Variants in EEA1 observed in about 807,000 individuals in gnomAD.
EEA1 encodes the protein early endosome antigen 1, 162kD.
A neutral mutation model predicts 209.2 loss-of-function variants in EEA1; 111 were observed. The ratio of observed to expected loss-of-function variants is 0.53; its 90% confidence interval spans 0.45 to 0.62. The LOEUF (loss-of-function observed/expected upper bound fraction) is 0.62, where lower values mean the gene tolerates loss of function less well. Among genes scored for constraint, EEA1 ranks in the 20% least tolerant of loss-of-function variants. The pLI is 0.00. For synonymous variants in EEA1, 536 were observed against 540.6 expected (o/e 0.99, Z 0.12); for missense variants, 1,343 against 1,530.8 (o/e 0.88, Z 2.05).
intron 21 of EEA1, among the ~76,000 whole-genome samples, chr12:92,789,805 C>G (rs1874314748): frequency 6.6e-6 from 1 of 152,222 alleles, no homozygotes; most frequent in African/African-American, 2.4e-5. Flanking sequence ...TGAGAACGGA[C>G]AGACTGCATC....
intron 10 of EEA1, among the ~76,000 whole-genome samples, chr12:92,839,182 G>C (rs560809784): frequency 6.6e-6 from 1 of 152,250 alleles, no homozygotes; most frequent in African/African-American, 2.4e-5. Context: ...ACAATAAAAT[G>C]TATCAAAATT....
chr12:92,855,431 C>CAAAA (rs56959398), intron 5 of EEA1, among the ~76,000 whole-genome samples: 2 of 96,152 alleles, frequency 2.1e-5, no homozygotes, highest in African/African-American at 3.9e-5. Flanking sequence ...GACTCTGTCT[C>CAAAA]AAAAAAAAAA....
Position 92,819,352 on chromosome 12 carries a change from C to T in EEA1, c.1684G>A (p.Val562Ile). ...TTTTTTTCTTGTAACTGGTTAAGAA[C>T]AGCAGTCTCTCCTTCACCAGCCTGA... is the stretch of plus-strand genomic sequence containing the variant. Reference protein sequence around the residue: ...KIQAGEGETAVLNQLQEKNHT... With the variant: ...KIQAGEGETAILNQLQEKNHT... The change falls in exon 14 of 29, where the codon GTT (valine) becomes ATT (isoleucine). Residue 562 changes from valine to isoleucine, a missense_variant. Coordinates refer to ENST00000322349, the MANE Select transcript of EEA1 (RefSeq NM_003566.4). The T allele has an allele frequency of 6.2e-7, 1 of 1,612,744 alleles. No homozygotes were observed. The highest frequency in any genetic ancestry group is 8.5e-7 in the Non-Finnish European group (1 of 1,179,372).
intron 2 of EEA1, among the ~76,000 whole-genome samples, chr12:92,883,309 T>C (rs1246634169): frequency 6.6e-6 from 1 of 152,210 alleles, no homozygotes; most frequent in Non-Finnish European, 1.5e-5. Context: ...ATTAGACCTT[T>C]GATATCTGCA....
At chr12:92,899,153 A>T (rs942719158) in intron 1 of EEA1, among the ~76,000 whole-genome samples, 2 of 150,242 alleles carry the variant, frequency 1.3e-5, no homozygotes, top group African/African-American at 2.4e-5. Context: ...AAATGAGAGG[A>T]GCTGGATATG....
intron 1 of EEA1, among the ~76,000 whole-genome samples, chr12:92,897,111 C>T (rs1308202258): frequency 6.6e-6 from 1 of 152,166 alleles, no homozygotes; most frequent in East Asian, 1.9e-4. Context: ...GAAACTAAGG[C>T]TGTTTCATGG....
chr12:92,849,588 G>A (rs563509653), intron 9 of EEA1, among the ~76,000 whole-genome samples: 2 of 152,268 alleles, frequency 1.3e-5, no homozygotes, highest in South Asian at 2.1e-4. Flanking sequence ...GTCAATTTTG[G>A]AAAAACTGCA....
Position 92,787,872 on chromosome 12 carries a change from G to C in EEA1, c.3145C>G (p.Leu1049Val). ...ESELLATRQD[L>V]KSVEEKLSLA... The stretch of plus-strand genomic sequence containing the variant: ...TACAGTATAGTTTACTATACCTTAA[G>C]ATCTTGCCTGGTGGCTAGAAGTTCA... The change falls in exon 22 of 29, where the codon CTT (leucine) becomes GTT (valine). Residue 1049 changes from leucine to valine, a missense_variant. Leu to Val is a conservative substitution (Grantham distance 32, BLOSUM62 1). This residue lies in a region of EEA1 where 1,307 missense variants were observed against 1,465.5 expected (regional missense o/e 0.89). Transcript: ENST00000322349. 1 of 1,604,278 alleles carries C rather than the reference G, an allele frequency of 6.2e-7. No individual in the cohort carries two copies. The highest frequency in any genetic ancestry group is 1.1e-5 in the South Asian group (1 of 89,504).
intron 2 of EEA1, among the ~76,000 whole-genome samples, chr12:92,880,981 T>C (rs971002326): frequency 2.0e-5 from 3 of 152,224 alleles, no homozygotes; most frequent in African/African-American, 7.2e-5. Context: ...TTGCCTCATA[T>C]ATTCTGAAAT....
chr12:92,808,063 T>G (rs915796122), intron 18 of EEA1, among the ~76,000 whole-genome samples: 2 of 152,174 alleles, frequency 1.3e-5, no homozygotes, highest in African/African-American at 4.8e-5. Context: ...ATCTTCTGGT[T>G]TCTTTTGTGT....
At position 92,840,575 on chromosome 12, in the gene EEA1, G is replaced by A. The variant is rs556625050; in HGVS notation, c.915+1890C>T. 2.6e-5 allele frequency among the ~76,000 whole-genome samples: 4 copies of A among 152,330 alleles called. No homozygotes were observed. The East Asian group carries it at 5.8e-4, about 22-fold the overall frequency. ...GATTTGCCCGCCTTGGCCTCCCAAA[G>A]TGCTGGGATTACAGGCGTGAGCCAC... is the stretch of plus-strand genomic sequence containing the variant. On this transcript the variant is annotated intron_variant, in intron 10 of 28. Coordinates refer to ENST00000322349, the MANE Select transcript of EEA1 (RefSeq NM_003566.4).
intron 18 of EEA1, 99 bp from the exon 19 acceptor site, chr12:92,802,833 T>G (rs1874993085): frequency 2.1e-6 from 2 of 961,408 alleles, no homozygotes; most frequent in Non-Finnish European, 3.0e-6. Context: ...GTTCTGAAAC[T>G]TTTTTGTATA....
chr12:92,842,348 T>TA (rs367692433), intron 10 of EEA1, 117 bp downstream of exon 10: 20,582 of 476,686 alleles, frequency 0.043, no homozygotes, highest in East Asian at 0.058. Flanking sequence ...TATTAAACAC[T>TA]AAAAAAAAAA....
At chr12:92,838,677 T>A (rs1257222032) in intron 10 of EEA1, among the ~76,000 whole-genome samples, 1 of 152,160 alleles carries the variant, frequency 6.6e-6, no homozygotes, top group Admixed American at 6.5e-5. Flanking sequence ...TCTGAGCACG[T>A]GTCTGCCCTA....
intron 21 of EEA1, among the ~76,000 whole-genome samples, chr12:92,798,536 G>A (rs1874756168): frequency 6.6e-6 from 1 of 151,924 alleles, no homozygotes; most frequent in Non-Finnish European, 1.5e-5. Context: ...TGGCCAGGCT[G>A]GTCTTGAACT....
At chr12:92,896,793 A>C (rs982491123) in intron 1 of EEA1, among the ~76,000 whole-genome samples, 1 of 152,054 alleles carries the variant, frequency 6.6e-6, no homozygotes, top group African/African-American at 2.4e-5. Context: ...AAAAAAAAGA[A>C]ATTGACACAG....
intron 1 of EEA1, among the ~76,000 whole-genome samples, chr12:92,908,482 AT>A (rs1226213606): frequency 1.3e-5 from 2 of 152,188 alleles, no homozygotes; most frequent in Non-Finnish European, 2.9e-5. Flanking sequence ...TTTAAAAAAA[AT>A]TTTTTTAAAA....
At chr12:92,786,756 A>T (rs111921807) in intron 22 of EEA1, among the ~76,000 whole-genome samples, 1 of 152,134 alleles carries the variant, frequency 6.6e-6, no homozygotes, top group Non-Finnish European at 1.5e-5. Context: ...GTTGTTTTCT[A>T]AAGTACTATT....
intron 21 of EEA1, among the ~76,000 whole-genome samples, chr12:92,789,563 T>A (rs1036245125): frequency 1.3e-5 from 2 of 152,032 alleles, no homozygotes; most frequent in African/African-American, 4.8e-5. Context: ...TGAGCCTGGC[T>A]CGGAGAGGGG....
Sources: gnomAD v4.1 joint callset for allele counts (sites outside exome capture counted in the v4.1 genomes callset) on GRCh38, gnomAD v4.1.1 for gene constraint, gnomAD v4.1.1 regional missense constraint, MANE v1.5 for transcripts, NCBI Gene and HGNC (gene_info 2026-07-23, HGNC 2026-07-21) for gene names.